The following UBE3B variants were observed in gnomAD, a reference collection of about 807,000 sequenced individuals.
UBE3B encodes ubiquitin protein ligase E3B.
A neutral mutation model predicts 132.3 loss-of-function variants in UBE3B; 80 were observed. The observed-to-expected ratio is 0.60, with a 90% CI of 0.50 to 0.73. The LOEUF is 0.73. UBE3B is among the 30% of genes least tolerant of loss of function. The pLI is 0.00. For synonymous variants in UBE3B, 487 were observed against 520.4 expected, an observed-to-expected ratio of 0.94 and a Z score of 0.87; for missense variants, 1,196 against 1,362.5, an observed-to-expected ratio of 0.88 and a Z score of 1.92.
chr12:109,521,209 A>G lies in UBE3B; in HGVS notation c.2138A>G (p.Lys713Arg), dbSNP rs1324753653. The G allele has an allele frequency of 6.2e-7, 1 of 1,614,206 alleles. No homozygotes were observed. The highest frequency in any genetic ancestry group is 8.5e-7 in the Non-Finnish European group (1 of 1,180,034). ...GCCATGAAGGGGGTCATCCGTGTGAAGTTTGTCAATGACCTCGGGGTGGAC... is the reference window on the plus strand; with the variant it reads ...GCCATGAAGGGGGTCATCCGTGTGAGGTTTGTCAATGACCTCGGGGTGGAC... ...QHAMKGVIRV[K>R]FVNDLGVDEA... The change falls in exon 20 of 28, where the codon AAG becomes AGG. Residue 713 changes from lysine to arginine, a missense_variant. Transcript: ENST00000342494. The surrounding 1 kb of genome is among the most constrained non-coding windows in gnomAD (Gnocchi z 4.2).
In UBE3B at chr12:109,498,275, A is replaced by C; in HGVS notation, c.862A>C (p.Ile288Leu). 1 of 1,614,122 alleles carries C rather than the reference A, an allele frequency of 6.2e-7. No homozygotes were observed. The highest frequency in any genetic ancestry group is 8.5e-7 in the Non-Finnish European group (1 of 1,179,996). ...ATCCCATGACATGCTTCGTAAATTCATCATATTTTTAAGAGACCAAGATCG... is the reference window on the plus strand; with the variant it reads ...ATCCCATGACATGCTTCGTAAATTCCTCATATTTTTAAGAGACCAAGATCG... ...LESHDMLRKF[I>L]IFLRDQDRCR... is the part of the protein sequence containing the mutation. The change falls in exon 11 of 28, where the codon ATC becomes CTC. Residue 288 changes from isoleucine (I) to leucine (L), a missense_variant. By Grantham distance (5) the Ile-to-Leu change is conservative. Transcript: ENST00000342494.
intron 18 of UBE3B, among the ~76,000 whole-genome samples, chr12:109,513,393 T>C (rs112655467): frequency 3.7e-4 from 57 of 152,344 alleles, no homozygotes; most frequent in Non-Finnish European, 5.9e-4. Context: ...GGTTTCAACA[T>C]GAGATTGCAC....
intron 11 of UBE3B, among the ~76,000 whole-genome samples, chr12:109,499,287 A>G (rs17181453): frequency 0.048 from 7,298 of 152,312 alleles, 217 homozygotes; most frequent in Non-Finnish European, 0.067. Flanking sequence ...TGTAACACTA[A>G]CTAAATATCA....
At chr12:109,493,926 A>G (rs1877825585) in intron 9 of UBE3B, among the ~76,000 whole-genome samples, 1 of 152,198 alleles carries the variant, frequency 6.6e-6, no homozygotes, top group Non-Finnish European at 1.5e-5. Context: ...CCCGGGCTCA[A>G]GCCATCCTCC....
chr12:109,519,125 C>A (rs1267516521), intron 19 of UBE3B, among the ~76,000 whole-genome samples: 1 of 152,200 alleles, frequency 6.6e-6, no homozygotes, highest in African/African-American at 2.4e-5. Flanking sequence ...GAAGGATCCT[C>A]AAACATACTC....
Position 109,480,189 on chromosome 12 carries a change from G to GTT in UBE3B, c.-127-1434_-127-1433dup, listed in dbSNP as rs3214387. Among the ~76,000 whole-genome samples the GTT allele has an allele frequency of 3.0e-3, 419 of 140,508 alleles. 4 individuals are homozygous for GTT. Among genetic ancestry groups the GTT allele is most frequent in the African/African-American group, 0.01 (403 of 38,464 alleles). 92.2% of individuals were successfully genotyped at this position (140,508 alleles called of 152,430 possible). On this transcript the variant is annotated intron_variant, in intron 1 of 27. Transcript: ENST00000342494. Reference sequence around the variant, plus strand: ...TCCAGGTGGGAGCCTCTGCTGAAGAGTTTTTTTTTTTTTTTAATCCTTGTG... The same window carrying GTT: ...TCCAGGTGGGAGCCTCTGCTGAAGAGTTTTTTTTTTTTTTTTTAATCCTTGTG...
the UBE3B span, among the ~76,000 whole-genome samples, chr12:109,541,966 A>G: frequency 2.0e-5 from 3 of 152,180 alleles, no homozygotes; most frequent in Admixed American, 2.0e-4. Flanking sequence ...TTACATCTAC[A>G]AAGACCTGTT....
At chr12:109,514,244 T>C (rs1414958000) in intron 18 of UBE3B, among the ~76,000 whole-genome samples, 4 of 152,186 alleles carry the variant, frequency 2.6e-5, no homozygotes, top group African/African-American at 9.7e-5. Flanking sequence ...GGGCAGAGGC[T>C]TTGTAGTATG....
At chr12:109,513,212 G>C (rs1474340931) in intron 18 of UBE3B, among the ~76,000 whole-genome samples, 4 of 152,124 alleles carry the variant, frequency 2.6e-5, no homozygotes, top group Non-Finnish European at 5.9e-5. Flanking sequence ...CCGCGTGTCT[G>C]TGAAATCAGC....
At chr12:109,483,736 A>G in intron 3 of UBE3B, 24 bp downstream of exon 3, 1 of 1,578,046 alleles carries the variant, frequency 6.3e-7, no homozygotes, top group Non-Finnish European at 8.6e-7. Context: ...TCTCCCTAGC[A>G]CATGATTCTC....
At chr12:109,543,005 AGCT>A in the UBE3B span, among the ~76,000 whole-genome samples, 2,374 of 152,348 alleles carry the variant, frequency 0.016, 74 homozygotes, top group Admixed American at 0.07. Flanking sequence ...AGGAACCGGC[AGCT>A]GCTGCTCAGC....
Position 109,486,585 on chromosome 12 carries a change from A to G in UBE3B, c.447+10A>G. On this transcript the variant is annotated intron_variant, in intron 6 of 27. Transcript: ENST00000342494. ...TCTCAAGCAGCTCAAGGTAACAAAAAAAAAAAAAAAAAAAAAAAGCAAAAC... is the reference window on the plus strand; with the variant it reads ...TCTCAAGCAGCTCAAGGTAACAAAAGAAAAAAAAAAAAAAAAAAGCAAAAC... The G allele has an allele frequency of 8.6e-7, 1 of 1,158,510 alleles. No homozygotes were observed. Among genetic ancestry groups the G allele is most frequent in the Non-Finnish European group, 1.2e-6 (1 of 847,298 alleles). 71.8% of individuals were successfully genotyped at this position (1,158,510 alleles called of 1,614,324 possible).
At chr12:109,520,056 T>A (rs1881513562) in intron 19 of UBE3B, 1 of 152,254 alleles carries the variant, frequency 6.6e-6, no homozygotes, top group African/African-American at 2.4e-5. Flanking sequence ...CTGTCTAACC[T>A]GCGAAGCATG....
the UBE3B span, among the ~76,000 whole-genome samples, chr12:109,543,937 C>T: frequency 2.0e-5 from 3 of 152,090 alleles, no homozygotes; most frequent in Admixed American, 6.5e-5. Flanking sequence ...AGCAGTGTAC[C>T]CAAGCTACAT....
At chr12:109,516,616 C>A in intron 18 of UBE3B, 149 bp from the exon 19 acceptor site, 1 of 1,261,950 alleles carries the variant, frequency 7.9e-7, no homozygotes, top group Non-Finnish European at 1.1e-6. Flanking sequence ...TCTGTTCTCA[C>A]AGGACACTTC....
In UBE3B at chr12:109,536,637, G is replaced by A. The variant is rs11548448; in HGVS notation, c.*1855G>A. 1.3e-5 allele frequency: 2 copies of A among 152,166 alleles called. No homozygotes were observed. Among genetic ancestry groups the A allele is most frequent in the Non-Finnish European group, 2.9e-5 (2 of 68,016 alleles). 9.4% of individuals were successfully genotyped at this position (152,166 alleles called of 1,614,324 possible). ...GCTCTAAAAAGTTGTAGGATTTTTT[G>A]TTTTTGTAGCTAACTTATGGATTGA... On this transcript the variant is annotated 3_prime_UTR_variant, in exon 28 of 28. Coordinates refer to ENST00000342494, the MANE Select transcript of UBE3B (RefSeq NM_130466.4).
At chr12:109,519,710 T>C (rs1196555441) in intron 19 of UBE3B, 3 of 152,262 alleles carry the variant, frequency 2.0e-5, no homozygotes, top group African/African-American at 7.2e-5. Flanking sequence ...TACAGCTGCC[T>C]GTTGACTTCC....
chr12:109,533,683 G>A (rs780476078), intron 27 of UBE3B, 125 bp downstream of exon 27: 1 of 998,384 alleles, frequency 1.0e-6, no homozygotes, highest in African/African-American at 1.6e-5. Context: ...ACCCCTCAGA[G>A]CCAAGTGAGG....
At chr12:109,523,487 G>A (rs1316250089) in intron 21 of UBE3B, among the ~76,000 whole-genome samples, 1 of 152,142 alleles carries the variant, frequency 6.6e-6, no homozygotes, top group Non-Finnish European at 1.5e-5. Flanking sequence ...CTGGGGCCTC[G>A]TACCAGTGCC....
Sources: gnomAD v4.1 joint callset for allele counts (sites outside exome capture counted in the v4.1 genomes callset) on GRCh38, gnomAD v4.1.1 for gene constraint, Gnocchi (gnomAD v3.1) non-coding constraint, MANE v1.5 for transcripts, NCBI Gene and HGNC (gene_info 2026-07-23, HGNC 2026-07-21) for gene names.